The following NDEL1 variants were observed in gnomAD, a reference collection of about 807,000 sequenced individuals.
NDEL1 encodes the protein nuclear distribution protein nudE-like 1.
NDEL1 carries 9 observed loss-of-function variants against 45.7 expected under a neutral mutation model. That is an observed-to-expected ratio of 0.20 (90% confidence interval 0.12 to 0.34). The LOEUF is 0.34. Ranked by LOEUF, NDEL1 falls within the 10% of genes least tolerant of loss-of-function variation. NDEL1 has a pLI of 1.00. For missense variants in NDEL1, 306 were observed against 406.2 expected, an observed-to-expected ratio of 0.75 and a Z score of 2.12; for synonymous variants, 133 against 158.6, an observed-to-expected ratio of 0.84 and a Z score of 1.21.
intron 1 of NDEL1, among the ~76,000 whole-genome samples, chr17:8,415,314 G>T (rs1321639496): frequency 6.6e-6 from 1 of 151,848 alleles, no homozygotes; most frequent in Admixed American, 6.6e-5. Context: ...AAGTAGCTGG[G>T]GCCACAGGTG....
chr17:8,466,475 G>T, intron 8 of NDEL1: 1 of 155,644 alleles, frequency 6.4e-6, no homozygotes, highest in Non-Finnish European at 1.4e-5. Flanking sequence ...TCATATCATT[G>T]AATCTACAGA....
upstream of NDEL1, chr17:8,431,095 C>T (rs977568059): frequency 1.3e-5 from 2 of 152,300 alleles, no homozygotes; most frequent in African/African-American, 2.4e-5. Context: ...CAACATTTTC[C>T]GAGGGGCCTG....
intron 4 of NDEL1, 145 bp from the exon 5 acceptor site, chr17:8,448,405 C>T (rs1910235238): frequency 3.9e-6 from 3 of 771,586 alleles, no homozygotes; most frequent in Non-Finnish European, 6.2e-6. Context: ...CAGCAGTGGT[C>T]AGGAAGGGGC....
chr17:8,415,515 GC>G (rs1908527560), intron 1 of NDEL1, among the ~76,000 whole-genome samples: 1 of 149,406 alleles, frequency 6.7e-6, no homozygotes, highest in Non-Finnish European at 1.5e-5. Context: ...GCTCACTGCA[GC>G]CTCGACCTCC....
chr17:8,420,745 G>A (rs1319336813), intron 1 of NDEL1, among the ~76,000 whole-genome samples: 1 of 152,214 alleles, frequency 6.6e-6, no homozygotes, highest in Non-Finnish European at 1.5e-5. Context: ...ATACCTATGA[G>A]TGTAAGAGAA....
At chr17:8,463,417 A>T (rs1597559777) in intron 8 of NDEL1, 2 of 1,505,454 alleles carry the variant, frequency 1.3e-6, no homozygotes, top group East Asian at 4.5e-5. Flanking sequence ...GTGGTGGAAG[A>T]CACATTAACA....
intron 2 of NDEL1, 82 bp from the exon 3 acceptor site, chr17:8,445,629 A>T (rs1231393950): frequency 2.6e-5 from 37 of 1,444,920 alleles, no homozygotes; most frequent in African/African-American, 3.0e-5. Context: ...AGCAAAAATT[A>T]TCGAATTGCT....
intron 1 of NDEL1, among the ~76,000 whole-genome samples, chr17:8,418,378 T>C (rs1231022929): frequency 6.6e-6 from 1 of 152,226 alleles, no homozygotes; most frequent in East Asian, 1.9e-4. Flanking sequence ...TTACTAACAT[T>C]GGGTATTACC....
chr17:8,452,418 C>T (rs1023523199), intron 6 of NDEL1, among the ~76,000 whole-genome samples: 2 of 152,058 alleles, frequency 1.3e-5, no homozygotes, highest in African/African-American at 2.4e-5. Context: ...TGCTGTGGCA[C>T]GGCATGAGGT....
At chr17:8,424,118 C>T (rs914228559) in intron 1 of NDEL1, among the ~76,000 whole-genome samples, 2 of 152,162 alleles carry the variant, frequency 1.3e-5, no homozygotes, top group Non-Finnish European at 1.5e-5. Context: ...GATCTCACCT[C>T]ATTTTGGTGT....
upstream of NDEL1, among the ~76,000 whole-genome samples, chr17:8,435,019 G>A (rs1909177782): frequency 6.6e-6 from 1 of 151,920 alleles, no homozygotes; most frequent in Admixed American, 6.6e-5. Flanking sequence ...GCAGTGAGCC[G>A]AGATCGCGCC....
chr17:8,434,248 C>T (rs561069991), upstream of NDEL1, among the ~76,000 whole-genome samples: 9 of 152,266 alleles, frequency 5.9e-5, no homozygotes, highest in South Asian at 2.1e-4. Flanking sequence ...TGTTTTTAGA[C>T]GGAGTCTCAC....
intron 8 of NDEL1, among the ~76,000 whole-genome samples, chr17:8,460,521 T>C (rs1911132374): frequency 6.6e-6 from 1 of 152,314 alleles, no homozygotes; most frequent in African/African-American, 2.4e-5. Context: ...ATTAAATATA[T>C]GCAAACTCTA....
chr17:8,457,736 A>G (rs979150393), intron 7 of NDEL1, among the ~76,000 whole-genome samples: 18 of 152,176 alleles, frequency 1.2e-4, no homozygotes, highest in Non-Finnish European at 2.6e-4. Context: ...CCCAGTGGTA[A>G]AAGTGCAAAT....
Position 8,445,849 on chromosome 17 carries a change from A to G in NDEL1, c.225A>G (p.Glu75=), listed in dbSNP as rs989396412. The G allele has an allele frequency of 6.5e-7, 1 of 1,542,592 alleles. No individual in the cohort carries two copies. The highest frequency in any genetic ancestry group is 8.7e-7 in the Non-Finnish European group (1 of 1,150,402). The change falls in exon 3 of 9, where the codon GAA becomes GAG. Residue 75 remains glutamate, a synonymous_variant. Coordinates refer to ENST00000334527, the MANE Select transcript of NDEL1 (RefSeq NM_030808.5). ...LQADNQRLKY[E]VEALKEKLEH... ...CTGATAACCAAAGACTGAAATATGA[A>G]GTGGAGGCATTAAAGGTAATTGCAG...
intron 1 of NDEL1, among the ~76,000 whole-genome samples, chr17:8,417,968 C>T (rs778476537): frequency 2.4e-4 from 36 of 152,296 alleles, no homozygotes; most frequent in Non-Finnish European, 3.8e-4. Context: ...TCATATGTTT[C>T]GACAGATCTT....
intron 1 of NDEL1, among the ~76,000 whole-genome samples, chr17:8,440,150 A>C (rs945860969): frequency 9.9e-5 from 15 of 152,216 alleles, no homozygotes; most frequent in African/African-American, 3.6e-4. Context: ...GGGGCCAATA[A>C]GCGGGTTATG....
intron 1 of NDEL1, among the ~76,000 whole-genome samples, chr17:8,414,463 C>G (rs1398930909): frequency 2.0e-5 from 3 of 151,916 alleles, no homozygotes; most frequent in African/African-American, 7.3e-5. Context: ...GTCAGGATAT[C>G]GAGACCATCC....
intron 8 of NDEL1, among the ~76,000 whole-genome samples, chr17:8,461,789 A>C (rs1911223295): frequency 6.6e-6 from 1 of 152,140 alleles, no homozygotes; most frequent in South Asian, 2.1e-4. Context: ...TACAACTTAT[A>C]ATGATCCTCT....
Sources: gnomAD v4.1 joint callset for allele counts (sites outside exome capture counted in the v4.1 genomes callset) on GRCh38, gnomAD v4.1.1 for gene constraint, MANE v1.5 for transcripts, NCBI Gene and HGNC (gene_info 2026-07-23, HGNC 2026-07-21) for gene names.